SRGAP1: variants seen among roughly 807,000 people sequenced by gnomAD.
SRGAP1 encodes the protein SLIT-ROBO Rho GTPase activating protein 1.
Under a neutral mutation model 121.9 loss-of-function variants are expected in SRGAP1, and 43 were observed. The ratio of observed to expected loss-of-function variants is 0.35; its 90% CI spans 0.28 to 0.46. The LOEUF (loss-of-function observed/expected upper bound fraction) is 0.46. Ranked by LOEUF, SRGAP1 falls within the 20% of genes least tolerant of loss-of-function variation. SRGAP1 has a pLI of 1.00. For synonymous variants in SRGAP1, 447 were observed against 485.4 expected (o/e 0.92, Z 1.04); for missense variants, 1,102 against 1,350.9 (o/e 0.82, Z 2.89).
chr12:64,078,817 G>C, intron 8 of SRGAP1, 102 bp from the exon 9 acceptor site: 6 of 1,192,272 alleles, frequency 5.0e-6, no homozygotes, highest in Non-Finnish European at 7.1e-6. Context: ...TTTGGCGGGG[G>C]CAGGCCCTGT....
At chr12:63,926,494 C>T (rs2031267338) in intron 1 of SRGAP1, among the ~76,000 whole-genome samples, 1 of 152,122 alleles carries the variant, frequency 6.6e-6, no homozygotes, top group African/African-American at 2.4e-5. Flanking sequence ...TGTGCTCTGC[C>T]TGCCTTCTGG....
Position 64,157,667 on chromosome 12 carries a change from G to A in SRGAP1, c.*14995G>A, listed in dbSNP as rs994892534. On this transcript the variant is annotated 3_prime_UTR_variant, in exon 22 of 22. Transcript: ENST00000355086. ...TTAAAAATTTATATTTCAAGTGTGTGGGGGCAATAAAGAGGCCAGATAATA... is the reference window on the plus strand; with the variant it reads ...TTAAAAATTTATATTTCAAGTGTGTAGGGGCAATAAAGAGGCCAGATAATA... 6.6e-6 allele frequency: 1 copy of A among 152,174 alleles called. No homozygotes were observed. The highest frequency in any genetic ancestry group is 6.5e-5 in the Admixed American group (1 of 15,268). The allele number at this position is 152,174 out of a possible 1,614,324, so 9.4% of individuals were successfully genotyped here. A position where few individuals can be genotyped will look rare whatever the true frequency, so the allele number is the denominator to read the frequency against.
chr12:63,850,792 TAAAG>T (rs1899051309), intron 1 of SRGAP1, among the ~76,000 whole-genome samples: 1 of 152,044 alleles, frequency 6.6e-6, no homozygotes, highest in South Asian at 2.1e-4. Flanking sequence ...ACTAACAAAA[TAAAG>T]AAAAGGGAAT....
chr12:63,985,673 C>T (rs2033394341), intron 2 of SRGAP1, among the ~76,000 whole-genome samples: 1 of 152,162 alleles, frequency 6.6e-6, no homozygotes, highest in Non-Finnish European at 1.5e-5. Flanking sequence ...ATTGTATCCA[C>T]CCTTTAATTT....
At chr12:63,874,124 A>G (rs971061857) in intron 1 of SRGAP1, among the ~76,000 whole-genome samples, 3 of 152,186 alleles carry the variant, frequency 2.0e-5, no homozygotes, top group Non-Finnish European at 4.4e-5. Flanking sequence ...TATAAGCCAC[A>G]TAGATATTCA....
intron 21 of SRGAP1, among the ~76,000 whole-genome samples, chr12:64,133,558 C>A (rs1348509991): frequency 6.6e-6 from 1 of 152,174 alleles, no homozygotes; most frequent in Non-Finnish European, 1.5e-5. Flanking sequence ...TTTCCCTTTC[C>A]CCATTACACA....
intron 1 of SRGAP1, among the ~76,000 whole-genome samples, chr12:63,856,191 G>A (rs1474886676): frequency 6.6e-6 from 1 of 152,022 alleles, no homozygotes; most frequent in Non-Finnish European, 1.5e-5. Context: ...CCAGGAGGTG[G>A]GGATGAGCCA....
intron 18 of SRGAP1, among the ~76,000 whole-genome samples, chr12:64,122,336 T>C (rs1192762744): frequency 6.6e-6 from 1 of 152,236 alleles, no homozygotes; most frequent in Non-Finnish European, 1.5e-5. Context: ...GCTTTCTATA[T>C]GAAAGAGGCA....
chr12:63,911,707 A>G (rs902172758), intron 1 of SRGAP1, among the ~76,000 whole-genome samples: 1 of 152,190 alleles, frequency 6.6e-6, no homozygotes, highest in Non-Finnish European at 1.5e-5. Context: ...ACTTTAAAAT[A>G]TTTAAGCATC....
chr12:64,147,148 C>A lies in SRGAP1; in HGVS notation c.*4476C>A. On this transcript the variant is annotated 3_prime_UTR_variant, in exon 22 of 22. Transcript: ENST00000355086. ...TGTAACAGGAGAGACTGCTGTTTAC[C>A]TACGTACTGAAGGGTAACTGCTGCC... 4.7e-6 allele frequency: 1 copy of A among 213,190 alleles called. No individual in the cohort carries two copies. Among genetic ancestry groups the A allele is most frequent in the Non-Finnish European group, 9.2e-6 (1 of 108,410 alleles). 13.2% of individuals were successfully genotyped at this position (213,190 alleles called of 1,614,324 possible).
At chr12:64,087,371 G>T (rs1277853902) in intron 11 of SRGAP1, among the ~76,000 whole-genome samples, 1 of 151,974 alleles carries the variant, frequency 6.6e-6, no homozygotes, top group Non-Finnish European at 1.5e-5. Context: ...AAAATACGAC[G>T]TGTACATCTA....
At chr12:64,003,237 C>T (rs1344977831) in intron 3 of SRGAP1, among the ~76,000 whole-genome samples, 3 of 151,990 alleles carry the variant, frequency 2.0e-5, no homozygotes, top group South Asian at 4.2e-4. Flanking sequence ...CAGGTGTACA[C>T]CACCATGCCC....
Position 64,127,854 on chromosome 12 carries a change from T to C in SRGAP1, c.2541-7T>C, listed in dbSNP as rs1012061299. On this transcript the variant is annotated splice_region_variant and splice_polypyrimidine_tract_variant and intron_variant, in intron 20 of 21. Transcript: ENST00000355086. Reference sequence around the variant, plus strand: ...TCTGTTTTCTCCCTGTTTCTGTGAATGTCTAGGCAACGAAAAAGAGGAGAG... The same window carrying C: ...TCTGTTTTCTCCCTGTTTCTGTGAACGTCTAGGCAACGAAAAAGAGGAGAG... 4 of 1,606,760 alleles carry C rather than the reference T, an allele frequency of 2.5e-6. No individual in the cohort carries two copies. The highest frequency in any genetic ancestry group is 3.4e-6 in the Non-Finnish European group (4 of 1,175,504).
chr12:63,929,616 G>GTA (rs1462155549), intron 1 of SRGAP1, among the ~76,000 whole-genome samples: 1 of 149,702 alleles, frequency 6.7e-6, no homozygotes, highest in East Asian at 2.0e-4. Context: ...GAGTAATACT[G>GTA]TATGGTATGT....
intron 1 of SRGAP1, among the ~76,000 whole-genome samples, chr12:63,867,717 T>G (rs1899686451): frequency 6.6e-6 from 1 of 152,134 alleles, no homozygotes; most frequent in Non-Finnish European, 1.5e-5. Flanking sequence ...GCTATCATAA[T>G]ATTATTTACT....
chr12:63,955,665 G>A (rs577847443), intron 1 of SRGAP1, among the ~76,000 whole-genome samples: 15 of 151,410 alleles, frequency 9.9e-5, no homozygotes, highest in South Asian at 6.3e-4. Context: ...TTCAGGTACT[G>A]TATTGACTAA....
chr12:64,104,681 G>A (rs1043554374), intron 15 of SRGAP1, among the ~76,000 whole-genome samples: 3 of 152,196 alleles, frequency 2.0e-5, no homozygotes, highest in Non-Finnish European at 2.9e-5. Context: ...CAGCCATCAC[G>A]GTTAGAGGCC....
intron 1 of SRGAP1, among the ~76,000 whole-genome samples, chr12:63,850,960 A>G (rs1460334625): frequency 1.3e-5 from 2 of 152,034 alleles, no homozygotes; most frequent in East Asian, 3.9e-4. Context: ...GTTTGAGACC[A>G]GCCTTGGCAA....
At chr12:63,965,680 T>C (rs1460699559) in intron 1 of SRGAP1, among the ~76,000 whole-genome samples, 1 of 152,066 alleles carries the variant, frequency 6.6e-6, no homozygotes, top group Non-Finnish European at 1.5e-5. Context: ...ATAAATAAAT[T>C]TAAAAAAACA....
Sources: gnomAD v4.1 joint callset for allele counts (sites outside exome capture counted in the v4.1 genomes callset) on GRCh38, gnomAD v4.1.1 for gene constraint, MANE v1.5 for transcripts, NCBI Gene and HGNC (gene_info 2026-07-23, HGNC 2026-07-21) for gene names.